Variants in PEAK1 observed in about 807,000 individuals in gnomAD.
PEAK1 encodes pseudopodium enriched atypical kinase 1.
In PEAK1, 54 loss-of-function variants were observed where a neutral mutation model predicts 124.7. That is an observed-to-expected ratio of 0.43 (90% CI 0.35 to 0.54). The LOEUF is 0.54. PEAK1 is among the 20% of genes least tolerant of loss of function. The pLI, the probability that PEAK1 is intolerant of heterozygous loss-of-function variation, is 0.01. For synonymous variants in PEAK1, 719 were observed against 760.0 expected, an observed-to-expected ratio of 0.95 and a Z score of 0.89; for missense variants, 2,046 against 2,134.5, an observed-to-expected ratio of 0.96 and a Z score of 0.82.
intron 5 of PEAK1, among the ~76,000 whole-genome samples, chr15:77,256,492 A>C (rs1195133501): frequency 6.6e-6 from 1 of 152,120 alleles, no homozygotes; most frequent in African/African-American, 2.4e-5. Context: ...TTAATCATAA[A>C]GTAAGGGTTG....
intron 9 of PEAK1, among the ~76,000 whole-genome samples, chr15:77,127,256 G>C (rs2052456982): frequency 6.6e-6 from 1 of 152,162 alleles, no homozygotes; most frequent in Non-Finnish European, 1.5e-5. Context: ...CCTTGATCTT[G>C]GGTCTTCCAG....
At chr15:77,253,248 G>GT (rs1555457265) in intron 5 of PEAK1, among the ~76,000 whole-genome samples, 2 of 150,298 alleles carry the variant, frequency 1.3e-5, no homozygotes, top group Non-Finnish European at 3.0e-5. Context: ...TATGCGTTGG[G>GT]GGGGGGGTGG....
chr15:77,344,288 G>A (rs372273570), intron 2 of PEAK1, among the ~76,000 whole-genome samples: 3 of 152,070 alleles, frequency 2.0e-5, no homozygotes, highest in Admixed American at 6.5e-5. Flanking sequence ...TAGAGACGGG[G>A]TTTCACCATG....
chr15:77,105,357 T>TGTGTGTGCGCGCGC (rs1555407960), downstream of PEAK1: 9 of 85,404 alleles, frequency 1.1e-4, no homozygotes, highest in African/African-American at 3.7e-4. Flanking sequence ...TGTGTGTGTG[T>TGTGTGTGCGCGCGC]GCGCGCGTGC....
At chr15:77,256,507 G>C (rs1174293233) in intron 5 of PEAK1, among the ~76,000 whole-genome samples, 1 of 151,836 alleles carries the variant, frequency 6.6e-6, no homozygotes, top group Non-Finnish European at 1.5e-5. Context: ...GGGTTGTCAA[G>C]CCTTTACCCA....
intron 2 of PEAK1, among the ~76,000 whole-genome samples, chr15:77,307,620 T>C (rs1000869143): frequency 3.3e-5 from 5 of 152,070 alleles, no homozygotes; most frequent in Admixed American, 3.3e-4. Context: ...GTTTCCACTG[T>C]ATACAATTTC....
intron 2 of PEAK1, chr15:77,335,372 A>G: frequency 1.0e-6 from 1 of 985,298 alleles, no homozygotes; most frequent in Non-Finnish European, 1.2e-6. Flanking sequence ...CTATGTATCT[A>G]GTGGTCTTTT....
At chr15:77,216,643 T>C (rs919216093) in intron 6 of PEAK1, among the ~76,000 whole-genome samples, 1 of 152,204 alleles carries the variant, frequency 6.6e-6, no homozygotes, top group Non-Finnish European at 1.5e-5. Context: ...TTCACACTTA[T>C]TTGTGAGGAA....
intron 6 of PEAK1, among the ~76,000 whole-genome samples, chr15:77,250,928 T>C (rs2060850255): frequency 6.6e-6 from 1 of 152,206 alleles, no homozygotes; most frequent in Middle Eastern, 3.2e-3. Flanking sequence ...CATTCTTTGG[T>C]ATATAATTTC....
intron 2 of PEAK1, among the ~76,000 whole-genome samples, chr15:77,339,332 G>T (rs1170261553): frequency 6.6e-6 from 1 of 151,906 alleles, no homozygotes; most frequent in Non-Finnish European, 1.5e-5. Flanking sequence ...TAGAGCTCCT[G>T]GGCTCAAGCA....
intron 5 of PEAK1, among the ~76,000 whole-genome samples, chr15:77,280,806 T>G (rs187993604): frequency 1.3e-5 from 2 of 152,308 alleles, no homozygotes; most frequent in East Asian, 3.9e-4. Flanking sequence ...TAGATGATTA[T>G]TAGATAGCAC....
At chr15:77,350,892 G>A (rs1322305105) in intron 2 of PEAK1, 5 of 985,100 alleles carry the variant, frequency 5.1e-6, no homozygotes, top group Admixed American at 6.2e-5. Context: ...GGATACGCAG[G>A]CATTTACTAC....
intron 9 of PEAK1, among the ~76,000 whole-genome samples, chr15:77,131,011 CTTTA>C (rs1299191896): frequency 2.6e-5 from 4 of 152,314 alleles, no homozygotes; most frequent in East Asian, 3.9e-4. Context: ...AAAGTCCACA[CTTTA>C]TTTATTATAT....
At position 77,292,792 on chromosome 15, in the gene PEAK1, T is replaced by C. The variant is rs1004025980; in HGVS notation, c.-602-6288A>G. On this transcript the variant is annotated intron_variant, in intron 2 of 9. Coordinates refer to ENST00000682557, the MANE Select transcript of PEAK1 (RefSeq NM_001385026.1). ...ATAAGGATTAACTTATGTATGTATA[T>C]GAACGTATATGAATACTTACATATA... is the stretch of plus-strand genomic sequence containing the variant. Among the ~76,000 whole-genome samples the C allele has an allele frequency of 2.6e-5, 4 of 152,224 alleles. No homozygotes were observed. The South Asian group carries it at 8.3e-4, about 31-fold the overall frequency.
chr15:77,147,714 C>T (rs1305103133), intron 8 of PEAK1, among the ~76,000 whole-genome samples: 1 of 152,116 alleles, frequency 6.6e-6, no homozygotes, highest in African/African-American at 2.4e-5. Context: ...TATATGATCA[C>T]CACCCAGAGT....
At chr15:77,242,014 T>C (rs771422091) in intron 6 of PEAK1, among the ~76,000 whole-genome samples, 5 of 152,076 alleles carry the variant, frequency 3.3e-5, no homozygotes, top group Non-Finnish European at 5.9e-5. Context: ...ATATTTCAAA[T>C]AGCTATACAC....
intron 8 of PEAK1, among the ~76,000 whole-genome samples, chr15:77,154,525 A>G (rs988413016): frequency 4.6e-5 from 7 of 152,182 alleles, no homozygotes; most frequent in African/African-American, 1.7e-4. Flanking sequence ...TGATCCTGTC[A>G]TTATGATGTT....
intron 2 of PEAK1, among the ~76,000 whole-genome samples, chr15:77,344,425 T>G (rs1046664115): frequency 1.3e-4 from 20 of 152,208 alleles, no homozygotes; most frequent in African/African-American, 3.6e-4. Context: ...GGTTTATATA[T>G]CTGTCTTTAT....
At position 77,114,772 on chromosome 15, in the gene PEAK1, C is replaced by G. The variant is rs1867780; in HGVS notation, c.4625G>C (p.Ser1542Thr). ...TAQGFGPAEPSPTSSYPTRLI... is the reference protein window; with the variant it reads ...TAQGFGPAEPTPTSSYPTRLI... ...CCTAGTGGGATAAGATGAGGTGGGG[C>G]TGGGCTCTGCAGGCCCAAAGCCTTG... The change falls in exon 10 of 10, where the codon AGC becomes ACC. Residue 1542 changes from serine (S) to threonine (T), a missense_variant. Ser to Thr is a moderately conservative substitution (Grantham distance 58). Coordinates refer to ENST00000682557, the MANE Select transcript of PEAK1 (RefSeq NM_001385026.1). 424,669 of 1,611,972 alleles carry G rather than the reference C, an allele frequency of 0.26. 57,809 individuals are homozygous for G. Among genetic ancestry groups the G allele is most frequent in the Non-Finnish European group, 0.28 (329,036 of 1,179,376 alleles).
Sources: gnomAD v4.1 joint callset for allele counts (sites outside exome capture counted in the v4.1 genomes callset) on GRCh38, gnomAD v4.1.1 for gene constraint, MANE v1.5 for transcripts, NCBI Gene and HGNC (gene_info 2026-07-23, HGNC 2026-07-21) for gene names.